TPRKB: variants seen among roughly 807,000 people sequenced by gnomAD.
TPRKB encodes EKC/KEOPS complex subunit TPRKB.
In TPRKB, 11 loss-of-function variants were observed where a neutral mutation model predicts 17.8. The observed-to-expected ratio is 0.62, with a 90% CI of 0.39 to 1.02. TPRKB has a LOEUF of 1.02. Among genes scored for constraint, TPRKB ranks in the 50% least tolerant of loss-of-function variants. The probability of loss-of-function intolerance (pLI) is 0.00; values close to 1 mark genes in which losing one functional copy is unlikely to be tolerated. For synonymous variants in TPRKB, 71 were observed against 69.5 expected (o/e 1.02, Z -0.11); for missense variants, 228 against 198.0 (o/e 1.15, Z -0.91).
At chr2:73,734,680 T>A in intron 1 of TPRKB, 89 bp from the exon 2 acceptor site, 2 of 1,209,018 alleles carry the variant, frequency 1.7e-6, no homozygotes, top group Non-Finnish European at 2.3e-6. Flanking sequence ...ACTTTGAAAG[T>A]AACTTGATAA....
At chr2:73,735,411 T>C (rs893085740) in intron 1 of TPRKB, among the ~76,000 whole-genome samples, 12 of 151,918 alleles carry the variant, frequency 7.9e-5, no homozygotes, top group African/African-American at 2.4e-4. Flanking sequence ...GGGTGCAGCA[T>C]ACAAACATGG....
At chr2:73,730,854 A>G in intron 3 of TPRKB, 118 bp from the exon 4 acceptor site, 1 of 651,890 alleles carries the variant, frequency 1.5e-6, no homozygotes, top group Non-Finnish European at 2.4e-6. Flanking sequence ...ATGTCCTAAC[A>G]GTTCTCACTG....
At chr2:73,733,246 GTTTTTTTGT>G (rs1671713384) in intron 2 of TPRKB, among the ~76,000 whole-genome samples, 5 of 119,378 alleles carry the variant, frequency 4.2e-5, no homozygotes, top group Non-Finnish European at 6.9e-5. Flanking sequence ...CGTGTGCCCT[GTTTTTTTGT>G]TTTTTTTTTT....
At chr2:73,736,172 G>A (rs956301537) in intron 1 of TPRKB, among the ~76,000 whole-genome samples, 1 of 152,068 alleles carries the variant, frequency 6.6e-6, no homozygotes, top group Admixed American at 6.5e-5. Context: ...ATATATTTGT[G>A]AACGATATCC....
intron 2 of TPRKB, chr2:73,732,624 G>C (rs1474906574): frequency 5.1e-6 from 1 of 195,200 alleles, no homozygotes; most frequent in Non-Finnish European, 1.1e-5. Context: ...CAGGACAATT[G>C]CTTGAACCCG....
chr2:73,730,491 C>G (rs1250009435), intron 4 of TPRKB, 69 bp downstream of exon 4: 11 of 1,123,826 alleles, frequency 9.8e-6, no homozygotes, highest in Non-Finnish European at 1.3e-5. Context: ...CTCTGGTGAT[C>G]AATAGGCAAA....
intron 2 of TPRKB, among the ~76,000 whole-genome samples, chr2:73,733,218 G>A (rs1384011701): frequency 6.7e-6 from 1 of 149,396 alleles, no homozygotes; most frequent in Non-Finnish European, 1.5e-5. Context: ...ATTAATTCCC[G>A]GTAACATGAT....
Position 73,730,741 on chromosome 2 carries a change from G to T in TPRKB, c.265-5C>A. On this transcript the variant is annotated splice_region_variant and splice_polypyrimidine_tract_variant and intron_variant, in intron 3 of 4. Coordinates refer to ENST00000272424, the MANE Select transcript of TPRKB (RefSeq NM_016058.5). ...TTTTTTCAAAGCCTCTGAAATCTAA[G>T]AGAAAAAAAATGAAAAAAAAAACAC... is the stretch of plus-strand genomic sequence containing the variant. The T allele has an allele frequency of 6.8e-7, 1 of 1,477,690 alleles. No individual in the cohort carries two copies. The highest frequency in any genetic ancestry group is 1.4e-5 in the South Asian group (1 of 72,406). 91.5% of individuals were successfully genotyped at this position (1,477,690 alleles called of 1,614,324 possible). A position where few individuals can be genotyped will look rare whatever the true frequency, so the allele number is the denominator to read the frequency against.
chr2:73,732,439 C>G (rs1049300718), intron 2 of TPRKB, 154 bp from the exon 3 acceptor site: 1 of 853,508 alleles, frequency 1.2e-6, no homozygotes, highest in East Asian at 2.8e-5. Context: ...CGGCTGGGCA[C>G]GGTGGCTCAC....
At chr2:73,732,315 C>G in intron 2 of TPRKB, 30 bp from the exon 3 acceptor site, 1 of 1,604,152 alleles carries the variant, frequency 6.2e-7, no homozygotes, top group Non-Finnish European at 8.5e-7. Flanking sequence ...GAATTAATTA[C>G]ACATGGAGAA....
At chr2:73,730,769 G>A in intron 3 of TPRKB, 33 bp from the exon 4 acceptor site, 11 of 1,410,392 alleles carry the variant, frequency 7.8e-6, no homozygotes, top group Non-Finnish European at 9.4e-6. Flanking sequence ...AAAAACACAA[G>A]ATCATTAACC....
intron 2 of TPRKB, 148 bp downstream of exon 2, chr2:73,734,281 T>C (rs963971686): frequency 4.3e-6 from 3 of 699,524 alleles, no homozygotes; most frequent in Non-Finnish European, 6.6e-6. Context: ...GTATTTTTAG[T>C]TGAGACAGGG....
chr2:73,732,384 A>C (rs1671656858), intron 2 of TPRKB, 99 bp from the exon 3 acceptor site: 1 of 1,297,178 alleles, frequency 7.7e-7, no homozygotes, highest in Admixed American at 2.4e-5. Flanking sequence ...AAGCTGTTTT[A>C]CTTCATCACA....
chr2:73,733,485 C>T (rs775159065), intron 2 of TPRKB, among the ~76,000 whole-genome samples: 6 of 151,992 alleles, frequency 3.9e-5, no homozygotes, highest in African/African-American at 9.7e-5. Flanking sequence ...TCTCAAACTC[C>T]GGGCCTCAAG....
chr2:73,734,400 G>T (rs1260226993), intron 2 of TPRKB, 29 bp downstream of exon 2: 3 of 1,599,724 alleles, frequency 1.9e-6, no homozygotes, highest in East Asian at 2.2e-5. Flanking sequence ...CACCCAGCAG[G>T]CTCATTCATT....
chr2:73,731,905 G>A (rs534956886), intron 3 of TPRKB: 1 of 284,392 alleles, frequency 3.5e-6, no homozygotes, highest in Admixed American at 5.0e-5. Context: ...AAAAATACTT[G>A]AGGGGTCTTC....
At position 73,729,929 on chromosome 2, in the gene TPRKB, A is replaced by G. The variant is rs1184981007; in HGVS notation, c.*14T>C. The G allele has an allele frequency of 1.0e-5, 16 of 1,534,524 alleles. No individual in the cohort carries two copies. The highest frequency in any genetic ancestry group is 1.4e-5 in the African/African-American group (1 of 72,748). ...TCTTTAATGCTGAGAATTTTTGTTAATATTTCTGACATTTCATAAAACATC... is the reference window on the plus strand; with the variant it reads ...TCTTTAATGCTGAGAATTTTTGTTAGTATTTCTGACATTTCATAAAACATC... On this transcript the variant is annotated 3_prime_UTR_variant, in exon 5 of 5. Coordinates refer to ENST00000272424, the MANE Select transcript of TPRKB (RefSeq NM_016058.5).
In TPRKB at chr2:73,734,256, G is replaced by A. The variant is rs566292863; in HGVS notation, c.141+173C>T. Among the ~76,000 whole-genome samples, 9 of 151,398 alleles carry A rather than the reference G, an allele frequency of 5.9e-5. No homozygotes were observed. In the South Asian group the frequency reaches 1.0e-3, roughly 17 times the overall value. On this transcript the variant is annotated intron_variant, in intron 2 of 4. Coordinates refer to ENST00000272424, the MANE Select transcript of TPRKB (RefSeq NM_016058.5). ...TGGGATTATAGGCGCCCGCCACCAC[G>A]CCCAGCTAATTTTTGTATTTTTAGT...
Position 73,734,483 on chromosome 2 carries a change from C to G in TPRKB, c.87G>C (p.Leu29Phe), listed in dbSNP as rs1199195021. Residue 29 changes from leucine (L) to phenylalanine (F), a missense_variant, in exon 2 of 5, where the codon TTG (leucine) becomes TTC (phenylalanine). Transcript: ENST00000272424. Reference protein sequence around the residue: ...LFKDVKNAGDLRRKAMEGTID... With the variant: ...LFKDVKNAGDFRRKAMEGTID... ...TGGTGCCTTCCATGGCCTTTCTTCTCAAGTCTCCCGCATTTTTTACATCTT... is the reference window on the plus strand; with the variant it reads ...TGGTGCCTTCCATGGCCTTTCTTCTGAAGTCTCCCGCATTTTTTACATCTT... 1 of 1,614,106 alleles carries G rather than the reference C, an allele frequency of 6.2e-7. No individual in the cohort carries two copies. Among genetic ancestry groups the G allele is most frequent in the Admixed American group, 1.7e-5 (1 of 59,994 alleles).
Sources: allele counts gnomAD v4.1 joint callset (sites outside exome capture counted in the v4.1 genomes callset), GRCh38; gene constraint gnomAD v4.1.1; transcripts MANE v1.5; gene names NCBI Gene and HGNC (gene_info 2026-07-23, HGNC 2026-07-21).